Variants in ENOX1 observed in about 807,000 individuals in gnomAD.
The protein encoded by ENOX1 is ecto-NOX disulfide-thiol exchanger 1.
Under a neutral mutation model 82.5 loss-of-function variants are expected in ENOX1, and 42 were observed. That is an observed-to-expected ratio of 0.51 (90% CI 0.40 to 0.66). ENOX1 has a LOEUF of 0.66. Ranked by LOEUF, ENOX1 falls within the 30% of genes least tolerant of loss-of-function variation. The pLI, the probability that ENOX1 is intolerant of heterozygous loss-of-function variation, is 0.00. For synonymous variants in ENOX1, 271 were observed against 282.2 expected, an observed-to-expected ratio of 0.96 and a Z score of 0.40; for missense variants, 608 against 811.6, an observed-to-expected ratio of 0.75 and a Z score of 3.05.
At chr13:43,568,697 T>TC (rs537380072) in intron 2 of ENOX1, among the ~76,000 whole-genome samples, 2 of 151,448 alleles carry the variant, frequency 1.3e-5, no homozygotes, top group South Asian at 4.2e-4. Flanking sequence ...AGTTTTTTTT[T>TC]TTTTCTGGGT....
Position 43,608,193 on chromosome 13 carries a change from C to T in ENOX1, c.-219+59286G>A, listed in dbSNP as rs9567234. 7.2e-3 allele frequency among the ~76,000 whole-genome samples: 1,090 copies of T among 152,176 alleles called. 23 individuals are homozygous for T. In the East Asian group the frequency reaches 0.085, roughly 12 times the overall value. ...TTATTTTGAGGTCTAAGAATGGGTA[C>T]GAGCATGGGGAGGGCAAAGTGTCAT... On this transcript the variant is annotated intron_variant, in intron 2 of 16. Coordinates refer to ENST00000690772, the MANE Select transcript of ENOX1 (RefSeq NM_001347969.2).
chr13:43,468,814 T>C (rs1395644860), intron 3 of ENOX1, among the ~76,000 whole-genome samples: 1 of 152,322 alleles, frequency 6.6e-6, no homozygotes, highest in East Asian at 1.9e-4. Context: ...TCAGCGTGCA[T>C]GTCTTACACT....
intron 5 of ENOX1, among the ~76,000 whole-genome samples, chr13:43,381,426 G>A (rs567175396): frequency 6.2e-4 from 83 of 134,796 alleles, no homozygotes; most frequent in African/African-American, 2.1e-3. Context: ...GCTTATATTA[G>A]AAAAGAAGAA....
chr13:43,757,256 A>T (rs1950707121), intron 1 of ENOX1, among the ~76,000 whole-genome samples: 1 of 152,172 alleles, frequency 6.6e-6, no homozygotes, highest in Admixed American at 6.5e-5. Flanking sequence ...AACTCCTCCC[A>T]TCAAGAGGTA....
intron 2 of ENOX1, among the ~76,000 whole-genome samples, chr13:43,513,266 G>A (rs541456477): frequency 2.5e-4 from 38 of 152,068 alleles, no homozygotes; most frequent in Admixed American, 1.5e-3. Context: ...CTGAGATCAC[G>A]CCACTGCACT....
At chr13:43,294,815 C>T (rs538958212) in intron 12 of ENOX1, among the ~76,000 whole-genome samples, 9 of 152,252 alleles carry the variant, frequency 5.9e-5, no homozygotes, top group Admixed American at 3.3e-4. Flanking sequence ...ATGCCTGATA[C>T]GTACAGCATC....
At chr13:43,679,126 G>T (rs1414127100) in intron 1 of ENOX1, among the ~76,000 whole-genome samples, 1 of 152,162 alleles carries the variant, frequency 6.6e-6, no homozygotes, top group Admixed American at 6.5e-5. Context: ...GCAGCAGGTT[G>T]AAAGAACTCT....
chr13:43,646,605 CCTT>C (rs2083905349), intron 2 of ENOX1, among the ~76,000 whole-genome samples: 1 of 152,162 alleles, frequency 6.6e-6, no homozygotes, highest in African/African-American at 2.4e-5. Flanking sequence ...GACAAGCTAT[CCTT>C]CTCATGCGCT....
At chr13:43,616,160 ATCTATCTATC>A (rs2082437077) in intron 2 of ENOX1, among the ~76,000 whole-genome samples, 2 of 5,016 alleles carry the variant, frequency 4.0e-4, no homozygotes, top group East Asian at 0.077. Flanking sequence ...ATAGATAGAT[ATCTATCTATC>A]TATCTATCTA....
chr13:43,265,542 T>C (rs1039636224), intron 13 of ENOX1, 88 bp from the exon 14 acceptor site: 11 of 1,116,334 alleles, frequency 9.9e-6, no homozygotes, highest in Non-Finnish European at 1.5e-5. Flanking sequence ...AACTGATTTA[T>C]CTGAGGTTGC....
chr13:43,616,204 A>ATTTTT (rs58543927), intron 2 of ENOX1, among the ~76,000 whole-genome samples: 240 of 15,208 alleles, frequency 0.016, 31 homozygotes, highest in Non-Finnish European at 0.029. Context: ...ATATATATAT[A>ATTTTT]TTTTTTTTTT....
chr13:43,277,752 G>T (rs1199930472), intron 12 of ENOX1, among the ~76,000 whole-genome samples: 1 of 152,204 alleles, frequency 6.6e-6, no homozygotes, highest in African/African-American at 2.4e-5. Flanking sequence ...AATGTTTCCA[G>T]GTTCCCTAGG....
At position 43,686,493 on chromosome 13, in the gene ENOX1, C is replaced by T. The variant is rs546405879; in HGVS notation, c.-284-18949G>A. On this transcript the variant is annotated intron_variant, in intron 1 of 16. Coordinates refer to ENST00000690772, the MANE Select transcript of ENOX1 (RefSeq NM_001347969.2). ...TACAGGGAAAGAACACAATGTCAGT[C>T]CATTTCTGTGTTATCTGGCTTACTG... Among the ~76,000 whole-genome samples the T allele has an allele frequency of 5.9e-5, 9 of 152,228 alleles. No homozygotes were observed. In the East Asian group the frequency reaches 1.5e-3, roughly 26 times the overall value.
At chr13:43,648,028 G>C (rs1486719935) in intron 2 of ENOX1, among the ~76,000 whole-genome samples, 2 of 152,192 alleles carry the variant, frequency 1.3e-5, no homozygotes, top group Non-Finnish European at 2.9e-5. Flanking sequence ...CTTCAGCCAT[G>C]CTGACACTTT....
rs559354664 is a variant in ENOX1 at position 43,426,654 on chromosome 13, T to C, written c.-74-13666A>G. 3.3e-5 allele frequency among the ~76,000 whole-genome samples: 5 copies of C among 152,324 alleles called. No individual in the cohort carries two copies. In the South Asian group the frequency reaches 1.0e-3, roughly 32 times the overall value. ...AACTAGTGGTGGTTAAGCAGTGCAG[T>C]GTCTGAAGTGAGGGCATTTGAGAAC... On this transcript the variant is annotated intron_variant, in intron 3 of 16. Coordinates refer to ENST00000690772, the MANE Select transcript of ENOX1 (RefSeq NM_001347969.2).
At chr13:43,555,985 T>A (rs1339957896) in intron 2 of ENOX1, among the ~76,000 whole-genome samples, 1 of 152,194 alleles carries the variant, frequency 6.6e-6, no homozygotes, top group Non-Finnish European at 1.5e-5. Context: ...CATTTAACAG[T>A]TCTCAATCTT....
rs567336776 is a variant in ENOX1, at chr13:43,541,936, G to A, written c.-218-57784C>T. Among the ~76,000 whole-genome samples the A allele has an allele frequency of 8.5e-4, 129 of 152,068 alleles. 1 individual carries two copies. The highest frequency in any genetic ancestry group is 3.0e-3 in the African/African-American group (126 of 41,474). ...TTTTCTTCTTTTTCTAGTTATAAAA[G>A]TTATGTCAAAAGAATCCCTCCGAAA... On this transcript the variant is annotated intron_variant, in intron 2 of 16. Transcript: ENST00000690772.
intron 3 of ENOX1, among the ~76,000 whole-genome samples, chr13:43,424,591 G>C (rs138757357): frequency 6.6e-6 from 1 of 152,154 alleles, no homozygotes; most frequent in Non-Finnish European, 1.5e-5. Context: ...TGCCACTGCC[G>C]CATGATGAAT....
intron 5 of ENOX1, among the ~76,000 whole-genome samples, chr13:43,388,188 T>C (rs984947464): frequency 6.6e-6 from 1 of 152,162 alleles, no homozygotes; most frequent in African/African-American, 2.4e-5. Context: ...ACTCAACCCA[T>C]TGCATGAGGA....
Sources: gnomAD v4.1 joint callset for allele counts (sites outside exome capture counted in the v4.1 genomes callset) on GRCh38, gnomAD v4.1.1 for gene constraint, MANE v1.5 for transcripts, NCBI Gene and HGNC (gene_info 2026-07-23, HGNC 2026-07-21) for gene names.